The following FIG4 variants were observed in gnomAD, a reference collection of about 807,000 sequenced individuals.
FIG4 encodes FIG4 phosphoinositide 5-phosphatase.
Under a neutral mutation model 118.6 loss-of-function variants are expected in FIG4, and 112 were observed. The observed-to-expected ratio is 0.94, with a 90% CI of 0.81 to 1.11. The LOEUF (loss-of-function observed/expected upper bound fraction) is 1.11. Ranked by LOEUF, FIG4 falls within the 50% of genes least tolerant of loss-of-function variation. The probability of loss-of-function intolerance (pLI) is 0.00; values close to 1 mark genes in which losing one functional copy is unlikely to be tolerated. For synonymous variants in FIG4, 369 were observed against 381.2 expected (o/e 0.97, Z 0.37); for missense variants, 969 against 1,111.7 (o/e 0.87, Z 1.83).
intron 17 of FIG4, 103 bp from the exon 18 acceptor site, chr6:109,786,199 A>G (rs931117133): frequency 7.9e-5 from 81 of 1,028,112 alleles, no homozygotes; most frequent in Non-Finnish European, 1.1e-4. Context: ...TGTATCCCCC[A>G]CAGAGCTTAT....
chr6:109,743,721 C>A lies in FIG4; in HGVS notation c.1086C>A (p.Asp362Glu). The A allele has an allele frequency of 6.2e-7, 1 of 1,612,868 alleles. No homozygotes were observed. The highest frequency in any genetic ancestry group is 1.1e-5 in the South Asian group (1 of 91,070). The stretch of plus-strand genomic sequence containing the variant: ...CACATGTGGCTGCCCTTCACTTTGA[C>A]CAGATGTTCCAGAGGTTTGGCTCTC... ...PFAHVAALHF[D>E]QMFQRFGSPI... Residue 362 changes from aspartate (D) to glutamate (E), a missense_variant, in exon 10 of 23, where the codon GAC becomes GAA. This residue lies in a region of FIG4 where 246 missense variants were observed against 354.3 expected (regional missense o/e 0.69). Transcript: ENST00000230124.
intron 10 of FIG4, among the ~76,000 whole-genome samples, chr6:109,749,041 G>A (rs2128388160): frequency 6.9e-6 from 1 of 145,738 alleles, no homozygotes; most frequent in Non-Finnish European, 1.5e-5. Flanking sequence ...TACATGCATG[G>A]GCTCAAAGGA....
At chr6:109,723,545 G>A (rs1041876580) in intron 3 of FIG4, among the ~76,000 whole-genome samples, 2 of 152,108 alleles carry the variant, frequency 1.3e-5, no homozygotes, top group Admixed American at 1.3e-4. Context: ...TGTTTTGTTT[G>A]CCCAACCTAT....
At chr6:109,789,765 C>G (rs1778086512) in intron 19 of FIG4, 88 bp downstream of exon 19, 1 of 886,690 alleles carries the variant, frequency 1.1e-6, no homozygotes, top group East Asian at 2.5e-5. Context: ...CTAATAACTT[C>G]AGGTCATATA....
chr6:109,748,762 CAA>C (rs1266190116), intron 10 of FIG4, among the ~76,000 whole-genome samples: 6 of 152,042 alleles, frequency 3.9e-5, no homozygotes, highest in African/African-American at 1.2e-4. Flanking sequence ...TGGCGGCAGA[CAA>C]GAGAGAATGA....
intron 22 of FIG4, among the ~76,000 whole-genome samples, chr6:109,824,110 G>A (rs146739852): frequency 1.7e-3 from 262 of 152,322 alleles, no homozygotes; most frequent in Middle Eastern, 6.8e-3. Flanking sequence ...GGCCTTTCTG[G>A]AGACAGTGCC....
intron 16 of FIG4, among the ~76,000 whole-genome samples, chr6:109,783,721 G>T (rs530509826): frequency 1.3e-5 from 2 of 152,318 alleles, no homozygotes; most frequent in South Asian, 4.1e-4. Context: ...TGGAGGATCT[G>T]CCCCTTTGGT....
In FIG4 at chr6:109,743,655, T is replaced by C; in HGVS notation, c.1040-20T>C. The stretch of plus-strand genomic sequence containing the variant: ...TTGCAATTTTCATTCAGGTGCTTTT[T>C]CATCTTTTTTCCTTCTCAGTGGATC... On this transcript the variant is annotated intron_variant, in intron 9 of 22. Transcript: ENST00000230124. 6.3e-7 allele frequency: 1 copy of C among 1,591,936 alleles called. No homozygotes were observed.
At chr6:109,785,538 A>T (rs6914322) in intron 17 of FIG4, 91,047 of 305,294 alleles carry the variant, frequency 0.3, 19,732 homozygotes, top group African/African-American at 0.69. Context: ...ATTAAAGGAA[A>T]ACCTTCAAGT....
intron 4 of FIG4, among the ~76,000 whole-genome samples, chr6:109,731,611 T>C (rs1776003516): frequency 6.6e-6 from 1 of 152,200 alleles, no homozygotes; most frequent in South Asian, 2.1e-4. Context: ...CCCTAAAGAA[T>C]AGAGTATAAC....
At chr6:109,714,132 C>T (rs569048501) in intron 1 of FIG4, among the ~76,000 whole-genome samples, 27 of 152,156 alleles carry the variant, frequency 1.8e-4, no homozygotes, top group Non-Finnish European at 2.5e-4. Context: ...CCTGCCAACT[C>T]GAGTGTCTGT....
intron 1 of FIG4, among the ~76,000 whole-genome samples, chr6:109,701,149 A>G (rs1774892559): frequency 6.6e-6 from 1 of 152,158 alleles, no homozygotes; most frequent in South Asian, 2.1e-4. Flanking sequence ...TTTGGAGAGG[A>G]AAGGGAGCTG....
intron 10 of FIG4, among the ~76,000 whole-genome samples, chr6:109,753,617 G>A (rs1365745599): frequency 2.0e-5 from 3 of 151,968 alleles, no homozygotes; most frequent in East Asian, 1.9e-4. Flanking sequence ...CTTTAATTCC[G>A]TTAAGCAGTG....
chr6:109,704,388 G>T (rs1774993434), intron 1 of FIG4, among the ~76,000 whole-genome samples: 1 of 152,138 alleles, frequency 6.6e-6, no homozygotes, highest in South Asian at 2.1e-4. Flanking sequence ...AGGCATGGTG[G>T]CTCATGCCTG....
rs866908821 is a variant in FIG4 at position 109,804,623 on chromosome 6, G to A, written c.2546+7772G>A. On this transcript the variant is annotated intron_variant, in intron 22 of 22. Coordinates refer to ENST00000230124, the MANE Select transcript of FIG4 (RefSeq NM_014845.6). Reference sequence around the variant, plus strand: ...CAACAGATCTTTTAGTATTATATAAGCAATTTTCCATGTTAAGTATTTTAA... The same window carrying A: ...CAACAGATCTTTTAGTATTATATAAACAATTTTCCATGTTAAGTATTTTAA... Among the ~76,000 whole-genome samples, 9 of 152,112 alleles carry A rather than the reference G, an allele frequency of 5.9e-5. No individual in the cohort carries two copies. The South Asian group carries it at 1.9e-3, about 32-fold the overall frequency.
intron 22 of FIG4, among the ~76,000 whole-genome samples, chr6:109,800,940 G>C (rs1778410193): frequency 6.6e-6 from 1 of 152,168 alleles, no homozygotes; most frequent in African/African-American, 2.4e-5. Context: ...GGAGTGGCAA[G>C]ACTTGCTGTG....
At chr6:109,818,470 G>A (rs1778921380) in intron 22 of FIG4, among the ~76,000 whole-genome samples, 2 of 152,170 alleles carry the variant, frequency 1.3e-5, no homozygotes, top group African/African-American at 4.8e-5. Flanking sequence ...AAAGTGCTGA[G>A]ATTACAGGCA....
intron 3 of FIG4, among the ~76,000 whole-genome samples, chr6:109,722,477 A>G (rs1775640252): frequency 6.6e-6 from 1 of 152,116 alleles, no homozygotes; most frequent in Admixed American, 6.5e-5. Flanking sequence ...CAGACAGAGC[A>G]CCAGGATCCT....
intron 3 of FIG4, among the ~76,000 whole-genome samples, chr6:109,719,605 G>A (rs965061815): frequency 2.0e-5 from 3 of 151,760 alleles, no homozygotes; most frequent in African/African-American, 4.8e-5. Flanking sequence ...TGTTTTCCAG[G>A]CTGGCCTCAA....
Sources: allele counts gnomAD v4.1 joint callset (sites outside exome capture counted in the v4.1 genomes callset), GRCh38; gene constraint gnomAD v4.1.1; regional missense constraint gnomAD v4.1.1; transcripts MANE v1.5; gene names NCBI Gene and HGNC (gene_info 2026-07-23, HGNC 2026-07-21).